Variants in ANO10 observed in about 807,000 individuals in gnomAD.
The protein encoded by ANO10 is anoctamin 10.
A neutral mutation model predicts 74.7 loss-of-function variants in ANO10; 77 were observed. The ratio of observed to expected loss-of-function variants is 1.03; its 90% CI spans 0.86 to 1.25. The LOEUF is 1.25. ANO10 is among the 50% of genes most tolerant of loss of function. The probability of loss-of-function intolerance (pLI) is 0.00; values close to 1 mark genes in which losing one functional copy is unlikely to be tolerated. For synonymous variants in ANO10, 279 were observed against 284.9 expected (o/e 0.98, Z 0.21); for missense variants, 721 against 778.1 (o/e 0.93, Z 0.87).
intron 11 of ANO10, among the ~76,000 whole-genome samples, chr3:43,493,190 A>ACT (rs2076791644): frequency 6.6e-6 from 1 of 152,064 alleles, no homozygotes; most frequent in South Asian, 2.1e-4. Context: ...AAAACCAAAC[A>ACT]CCGTGTGTTC....
chr3:43,553,896 T>C (rs2079606224), intron 10 of ANO10, among the ~76,000 whole-genome samples: 1 of 152,218 alleles, frequency 6.6e-6, no homozygotes, highest in African/African-American at 2.4e-5. Context: ...TCCATTCTGC[T>C]GTTGCACTCA....
intron 11 of ANO10, among the ~76,000 whole-genome samples, chr3:43,522,332 T>C (rs2077992719): frequency 6.6e-6 from 1 of 152,092 alleles, no homozygotes; most frequent in African/African-American, 2.4e-5. Flanking sequence ...AAAAAATACA[T>C]TAAAAAAAAG....
intron 1 of ANO10, among the ~76,000 whole-genome samples, chr3:43,647,562 A>G (rs2083740854): frequency 6.6e-6 from 1 of 152,182 alleles, no homozygotes; most frequent in Non-Finnish European, 1.5e-5. Context: ...TCTCTTCTGG[A>G]AACATCCTCT....
chr3:43,499,627 C>T (rs891383110), intron 11 of ANO10, among the ~76,000 whole-genome samples: 1 of 151,688 alleles, frequency 6.6e-6, no homozygotes, highest in African/African-American at 2.4e-5. Context: ...CTGTAAGACA[C>T]CGTAAGACAC....
At chr3:43,688,867 C>T (rs1183616770) in intron 1 of ANO10, among the ~76,000 whole-genome samples, 1 of 151,346 alleles carries the variant, frequency 6.6e-6, no homozygotes, top group Non-Finnish European at 1.5e-5. Context: ...AAAAGAATTA[C>T]CTGGGACTGG....
chr3:43,510,031 C>T (rs2077450450), intron 11 of ANO10, among the ~76,000 whole-genome samples: 1 of 151,992 alleles, frequency 6.6e-6, no homozygotes, highest in African/African-American at 2.4e-5. Context: ...TGGTGATCAT[C>T]AGGGGTAAGG....
chr3:43,428,030 T>C (rs2092923415), intron 12 of ANO10, among the ~76,000 whole-genome samples: 1 of 151,578 alleles, frequency 6.6e-6, no homozygotes, highest in African/African-American at 2.4e-5. Context: ...ACATACGATA[T>C]CTTTGGTCCA....
chr3:43,452,522 A>G (rs1384954723), intron 11 of ANO10, among the ~76,000 whole-genome samples: 4 of 152,128 alleles, frequency 2.6e-5, no homozygotes, highest in African/African-American at 9.7e-5. Context: ...ATTTCTTTTT[A>G]TTGCCTAATA....
At chr3:43,375,341 G>A (rs530419352) in intron 12 of ANO10, among the ~76,000 whole-genome samples, 6 of 151,530 alleles carry the variant, frequency 4.0e-5, no homozygotes, top group Admixed American at 3.3e-4. Context: ...CCAGCTACTC[G>A]GGAGGCTAGT....
At chr3:43,371,091 T>C (rs1302035597) in intron 12 of ANO10, among the ~76,000 whole-genome samples, 1 of 152,112 alleles carries the variant, frequency 6.6e-6, no homozygotes, top group African/African-American at 2.4e-5. Flanking sequence ...ATTCAGGGAA[T>C]CACTACCATT....
chr3:43,414,105 G>A (rs1373560774), intron 12 of ANO10, among the ~76,000 whole-genome samples: 1 of 152,096 alleles, frequency 6.6e-6, no homozygotes, highest in African/African-American at 2.4e-5. Flanking sequence ...CACCAGCAAA[G>A]ATAAACAGAA....
intron 1 of ANO10, among the ~76,000 whole-genome samples, chr3:43,671,176 C>G (rs376495331): frequency 6.6e-6 from 1 of 152,162 alleles, no homozygotes; most frequent in Non-Finnish European, 1.5e-5. Context: ...TTATTTAAAC[C>G]TGGACTACAA....
chr3:43,436,625 G>T (rs906458190), intron 11 of ANO10, among the ~76,000 whole-genome samples: 1 of 152,116 alleles, frequency 6.6e-6, no homozygotes, highest in African/African-American at 2.4e-5. Context: ...CAGGACCAGA[G>T]AAAATTAGCA....
intron 12 of ANO10, among the ~76,000 whole-genome samples, chr3:43,421,106 C>T (rs1412563405): frequency 1.3e-5 from 2 of 152,020 alleles, no homozygotes; most frequent in African/African-American, 2.4e-5. Flanking sequence ...ACCTGTAGTC[C>T]CAGCTACTCG....
At chr3:43,457,082 A>T (rs527362535) in intron 11 of ANO10, among the ~76,000 whole-genome samples, 1 of 152,376 alleles carries the variant, frequency 6.6e-6, no homozygotes, top group African/African-American at 2.4e-5. Flanking sequence ...ATTAGCTAAT[A>T]CTAAATCTAA....
At chr3:43,689,394 C>T (rs545431772) in intron 1 of ANO10, 2 of 152,282 alleles carry the variant, frequency 1.3e-5, no homozygotes, top group Admixed American at 6.5e-5. Context: ...GATTTGTCTC[C>T]TTCATTCTTT....
At chr3:43,502,090 A>C (rs982541668) in intron 11 of ANO10, among the ~76,000 whole-genome samples, 11 of 152,228 alleles carry the variant, frequency 7.2e-5, no homozygotes, top group Non-Finnish European at 1.3e-4. Flanking sequence ...CCACTATGCA[A>C]AACAGTATGG....
At chr3:43,475,783 G>A (rs2076043804) in intron 11 of ANO10, among the ~76,000 whole-genome samples, 1 of 151,998 alleles carries the variant, frequency 6.6e-6, no homozygotes, top group Non-Finnish European at 1.5e-5. Flanking sequence ...TTATTTTTTA[G>A]TAGAGATGGG....
intron 11 of ANO10, among the ~76,000 whole-genome samples, chr3:43,528,079 AT>A (rs1461559765): frequency 2.0e-5 from 3 of 152,136 alleles, no homozygotes; most frequent in Non-Finnish European, 4.4e-5. Flanking sequence ...AAGAAACAAC[AT>A]TTTACTATAC....
Sources: allele counts gnomAD v4.1 joint callset (sites outside exome capture counted in the v4.1 genomes callset), GRCh38; gene constraint gnomAD v4.1.1; transcripts MANE v1.5; gene names NCBI Gene and HGNC (gene_info 2026-07-23, HGNC 2026-07-21).